The following FHIT variants were observed in gnomAD, a reference collection of about 807,000 sequenced individuals.
FHIT encodes bis(5'-adenosyl)-triphosphatase.
In FHIT, 19 loss-of-function variants were observed where a neutral mutation model predicts 17.9. The ratio of observed to expected loss-of-function variants is 1.06; its 90% confidence interval spans 0.74 to 1.56. The LOEUF is 1.56. Ranked by LOEUF, FHIT falls within the 40% of genes most tolerant of loss-of-function variation. FHIT has a pLI of 0.00. For synonymous variants in FHIT, 81 were observed against 69.7 expected, an observed-to-expected ratio of 1.16 and a Z score of -0.81; for missense variants, 248 against 189.2, an observed-to-expected ratio of 1.31 and a Z score of -1.82.
chr3:60,971,964 C>T lies in FHIT; in HGVS notation c.-111+70083G>A, dbSNP rs560284725. On this transcript the variant is annotated intron_variant, in intron 3 of 9. Coordinates refer to ENST00000492590, the MANE Select transcript of FHIT (RefSeq NM_002012.4). Reference sequence around the variant, plus strand: ...TCAAAACAACAAATTGGTTCACTAACATCTTTCCATGGTAACCAATCGGTT... The same window carrying T: ...TCAAAACAACAAATTGGTTCACTAATATCTTTCCATGGTAACCAATCGGTT... 2.6e-5 allele frequency among the ~76,000 whole-genome samples: 4 copies of T among 152,260 alleles called. No homozygotes were observed. In the East Asian group the frequency reaches 7.7e-4, roughly 29 times the overall value.
At position 59,922,393 on chromosome 3, in the gene FHIT, G is replaced by C. The variant is rs533270218; in HGVS notation, c.301C>G (p.Pro101Ala). 1 of 1,613,802 alleles carries C rather than the reference G, an allele frequency of 6.2e-7. No individual in the cohort carries two copies. Among genetic ancestry groups the C allele is most frequent in the South Asian group, 1.1e-5 (1 of 91,052 alleles). Residue 101 changes from proline (P) to alanine (A), a missense_variant, in exon 8 of 10, where the codon CCC (proline) becomes GCC (alanine). By Grantham distance (27) the Pro-to-Ala change is conservative. Coordinates refer to ENST00000492590, the MANE Select transcript of FHIT (RefSeq NM_002012.4). ...CTGTGAAAGTCTCCAGCCTTCCTGG[G>C]AAGAACATGGACGTGAACGTGCTGA... ...TVKHVHVHVL[P>A]RKAGDFHRND...
At chr3:60,696,335 G>A (rs1266604880) in intron 4 of FHIT, among the ~76,000 whole-genome samples, 1 of 152,078 alleles carries the variant, frequency 6.6e-6, no homozygotes, top group Non-Finnish European at 1.5e-5. Flanking sequence ...TTAAAGACAC[G>A]ACTTCCCATA....
At chr3:61,124,883 G>A (rs115936919) in intron 2 of FHIT, among the ~76,000 whole-genome samples, 6 of 152,106 alleles carry the variant, frequency 3.9e-5, no homozygotes, top group African/African-American at 1.4e-4. Context: ...TTTTCCATTT[G>A]CCAGCTCCCA....
At chr3:60,924,905 G>C (rs1406206898) in intron 3 of FHIT, among the ~76,000 whole-genome samples, 1 of 152,194 alleles carries the variant, frequency 6.6e-6, no homozygotes, top group Non-Finnish European at 1.5e-5. Context: ...AGAACTACGT[G>C]ACGAATACAC....
intron 4 of FHIT, among the ~76,000 whole-genome samples, chr3:60,652,771 A>G (rs893234973): frequency 6.7e-6 from 1 of 149,822 alleles, no homozygotes; most frequent in Non-Finnish European, 1.5e-5. Context: ...GTACCTCAGC[A>G]TGGTGGCAGG....
chr3:60,113,210 C>T (rs1200623567), intron 5 of FHIT, among the ~76,000 whole-genome samples: 1 of 152,208 alleles, frequency 6.6e-6, no homozygotes, highest in African/African-American at 2.4e-5. Context: ...AAGACGCAAG[C>T]TCTGTGAAGG....
At chr3:60,164,693 T>C (rs1701085448) in intron 5 of FHIT, among the ~76,000 whole-genome samples, 1 of 152,138 alleles carries the variant, frequency 6.6e-6, no homozygotes, top group Non-Finnish European at 1.5e-5. Flanking sequence ...ACAGGTGTGC[T>C]CAGTGCTCTT....
chr3:59,972,063 A>G (rs953165934), intron 7 of FHIT, among the ~76,000 whole-genome samples: 1 of 152,064 alleles, frequency 6.6e-6, no homozygotes, highest in African/African-American at 2.4e-5. Context: ...GGTCACTGTT[A>G]CAGAACTACA....
intron 5 of FHIT, among the ~76,000 whole-genome samples, chr3:60,190,484 C>T (rs1305901367): frequency 6.6e-6 from 1 of 152,042 alleles, no homozygotes; most frequent in Non-Finnish European, 1.5e-5. Context: ...CACGGTGGCT[C>T]ACACCTGTAA....
At chr3:60,227,143 TGGGCTG>T (rs1704246826) in intron 5 of FHIT, among the ~76,000 whole-genome samples, 1 of 152,018 alleles carries the variant, frequency 6.6e-6, no homozygotes, top group African/African-American at 2.4e-5. Context: ...GTTAGAAAAA[TGGGCTG>T]GGGCAATGAG....
chr3:60,464,126 T>G (rs752894120), intron 5 of FHIT, among the ~76,000 whole-genome samples: 2 of 152,114 alleles, frequency 1.3e-5, no homozygotes, highest in Non-Finnish European at 2.9e-5. Context: ...ATGGCAGAAC[T>G]GAGTTCACTA....
chr3:60,590,422 T>A (rs1348029892), intron 4 of FHIT, among the ~76,000 whole-genome samples: 4 of 152,122 alleles, frequency 2.6e-5, no homozygotes, highest in Admixed American at 2.6e-4. Flanking sequence ...AACATGCTGT[T>A]TCTTCCAGTA....
chr3:60,910,251 A>T (rs2107265810), intron 3 of FHIT, among the ~76,000 whole-genome samples: 1 of 152,290 alleles, frequency 6.6e-6, no homozygotes, highest in East Asian at 1.9e-4. Context: ...AATTCACATA[A>T]GTCTGAAGCT....
intron 1 of FHIT, among the ~76,000 whole-genome samples, chr3:61,215,904 C>G (rs2039659028): frequency 1.3e-5 from 2 of 152,314 alleles, no homozygotes; most frequent in Admixed American, 1.3e-4. Flanking sequence ...AAAGGATTCC[C>G]TATTTAATAA....
Position 61,170,773 on chromosome 3 carries a change from T to C in FHIT, c.-164+29844A>G, listed in dbSNP as rs151197643. ...CACCTTTTCTTTACCCAGTCTATCA[T>C]TGATAGGCATTTAGGTTGATTCCAT... is the stretch of plus-strand genomic sequence containing the variant. On this transcript the variant is annotated intron_variant, in intron 2 of 9. Transcript: ENST00000492590. Among the ~76,000 whole-genome samples, 550 of 152,324 alleles carry C rather than the reference T, an allele frequency of 3.6e-3. 5 individuals carry two copies. Among genetic ancestry groups the C allele is most frequent in the African/African-American group, 0.012 (504 of 41,578 alleles).
At chr3:60,658,112 C>T (rs2040159463) in intron 4 of FHIT, among the ~76,000 whole-genome samples, 1 of 152,082 alleles carries the variant, frequency 6.6e-6, no homozygotes, top group African/African-American at 2.4e-5. Flanking sequence ...TCTCCTCAGC[C>T]CCTAGCCACC....
In FHIT at chr3:60,519,618, G is replaced by C. The variant is rs958364622; in HGVS notation, c.103+17242C>G. Among the ~76,000 whole-genome samples the C allele has an allele frequency of 4.4e-4, 67 of 152,178 alleles. 1 individual carries two copies. In the Middle Eastern group the frequency reaches 0.01, roughly 23 times the overall value. On this transcript the variant is annotated intron_variant, in intron 5 of 9. Transcript: ENST00000492590. ...AATATTAAGAAAACCATAAGGAAGA[G>C]AAAAGACATTTACAGTATTATACTA...
At chr3:60,499,431 G>T (rs1409903907) in intron 5 of FHIT, among the ~76,000 whole-genome samples, 1 of 151,938 alleles carries the variant, frequency 6.6e-6, no homozygotes, top group Non-Finnish European at 1.5e-5. Flanking sequence ...TCGCTCTGTC[G>T]CCCAGGCTGG....
intron 3 of FHIT, among the ~76,000 whole-genome samples, chr3:60,862,918 G>T (rs1703985354): frequency 6.6e-6 from 1 of 151,796 alleles, no homozygotes; most frequent in South Asian, 2.1e-4. Context: ...GTGCTGCCAT[G>T]AAGAGACTTA....
Sources: gnomAD v4.1 joint callset for allele counts (sites outside exome capture counted in the v4.1 genomes callset) on GRCh38, gnomAD v4.1.1 for gene constraint, MANE v1.5 for transcripts, NCBI Gene and HGNC (gene_info 2026-07-23, HGNC 2026-07-21) for gene names.